The following STARD13 variants were observed in gnomAD, a reference collection of about 807,000 sequenced individuals.
STARD13 encodes StAR related lipid transfer domain containing 13, also known as stAR-related lipid transfer protein 13.
STARD13 carries 62 observed loss-of-function variants against 106.4 expected under a neutral mutation model. The ratio of observed to expected loss-of-function variants is 0.58; its 90% CI spans 0.48 to 0.72. The LOEUF (loss-of-function observed/expected upper bound fraction) is 0.72, where lower values mean the gene tolerates loss of function less well. STARD13 is among the 30% of genes least tolerant of loss of function. STARD13 has a pLI of 0.00. For missense variants in STARD13, 1,387 were observed against 1,424.0 expected (o/e 0.97, Z 0.42); for synonymous variants, 565 against 553.0 (o/e 1.02, Z -0.31).
chr13:33,286,371 A>C (rs1386087794), upstream of STARD13, among the ~76,000 whole-genome samples: 1 of 152,228 alleles, frequency 6.6e-6, no homozygotes, highest in Non-Finnish European at 1.5e-5. Context: ...AGAGAGGCAA[A>C]GTACACACGC....
At chr13:33,401,676 C>A in the STARD13 span, among the ~76,000 whole-genome samples, 1 of 152,156 alleles carries the variant, frequency 6.6e-6, no homozygotes, top group Non-Finnish European at 1.5e-5. Context: ...CTTCCCAGCT[C>A]CCTCTCCATT....
rs74045787 is a variant in STARD13, at chr13:33,274,045, T to C, written c.169+11425A>G. ...GAATAAGACAAAAACATGGAAGCAA[T>C]CAGCACCATGCTGGTAAGCAGAGGC... On this transcript the variant is annotated intron_variant, in intron 1 of 13. Transcript: ENST00000336934. 346 of 151,468 alleles carry C rather than the reference T, an allele frequency of 2.3e-3. 1 individual carries two copies. The highest frequency in any genetic ancestry group is 8.0e-3 in the African/African-American group (332 of 41,344). 9.4% of individuals were successfully genotyped at this position (151,468 alleles called of 1,614,324 possible). A position where few individuals can be genotyped will look rare whatever the true frequency, so the allele number is the denominator to read the frequency against.
chr13:33,253,678 A>G (rs1890197315), intron 1 of STARD13, among the ~76,000 whole-genome samples: 1 of 152,116 alleles, frequency 6.6e-6, no homozygotes, highest in Admixed American at 6.5e-5. Context: ...TGTCTGCTTC[A>G]TGTGGCCCCC....
the STARD13 span, among the ~76,000 whole-genome samples, chr13:33,517,245 A>G: frequency 6.6e-6 from 1 of 151,994 alleles, no homozygotes; most frequent in Non-Finnish European, 1.5e-5. Flanking sequence ...TCCCATGGGC[A>G]TTAACATCAC....
At chr13:33,653,267 T>A in the STARD13 span, among the ~76,000 whole-genome samples, 3 of 152,150 alleles carry the variant, frequency 2.0e-5, no homozygotes, top group African/African-American at 7.2e-5. Flanking sequence ...AACTTCCCTC[T>A]TCCCAAACTT....
intron 1 of STARD13, among the ~76,000 whole-genome samples, chr13:33,227,090 C>CT (rs1888664340): frequency 6.6e-6 from 1 of 152,182 alleles, no homozygotes; most frequent in Non-Finnish European, 1.5e-5. Context: ...CATTCCTAAC[C>CT]TTTAAATGGC....
At chr13:33,311,111 T>C (rs1893119001) in intron 1 of STARD13, among the ~76,000 whole-genome samples, 1 of 142,396 alleles carries the variant, frequency 7.0e-6, no homozygotes, top group East Asian at 2.0e-4. Context: ...CTGGGCAACA[T>C]AATAAGACAC....
At chr13:33,674,004 G>A in the STARD13 span, among the ~76,000 whole-genome samples, 1 of 151,904 alleles carries the variant, frequency 6.6e-6, no homozygotes, top group Non-Finnish European at 1.5e-5. Context: ...GGAATTACAG[G>A]CATGCACCAC....
intron 1 of STARD13, among the ~76,000 whole-genome samples, chr13:33,235,430 T>C (rs1889138676): frequency 6.6e-6 from 1 of 152,232 alleles, no homozygotes. Context: ...GTCCAGCCAG[T>C]GCAGACATCT....
intron 3 of STARD13, among the ~76,000 whole-genome samples, chr13:33,162,154 T>G (rs2138340482): frequency 6.6e-6 from 1 of 152,312 alleles, no homozygotes; most frequent in East Asian, 1.9e-4. Flanking sequence ...CCCCAAAGTC[T>G]TAACTCATTT....
At chr13:33,615,012 A>G in the STARD13 span, among the ~76,000 whole-genome samples, 3 of 152,242 alleles carry the variant, frequency 2.0e-5, no homozygotes, top group Non-Finnish European at 4.4e-5. Flanking sequence ...TTTAAAGGAC[A>G]AGAATAGAAG....
At chr13:33,491,006 CT>C in the STARD13 span, among the ~76,000 whole-genome samples, 1 of 152,222 alleles carries the variant, frequency 6.6e-6, no homozygotes, top group African/African-American at 2.4e-5. Context: ...AGCCATACCC[CT>C]GTCTCATATC....
At chr13:33,607,536 TC>T in the STARD13 span, among the ~76,000 whole-genome samples, 1 of 152,050 alleles carries the variant, frequency 6.6e-6, no homozygotes, top group African/African-American at 2.4e-5. Flanking sequence ...GACCTGGTGA[TC>T]CGCCTGCCTC....
At chr13:33,670,635 C>A in the STARD13 span, among the ~76,000 whole-genome samples, 1 of 152,214 alleles carries the variant, frequency 6.6e-6, no homozygotes, top group South Asian at 2.1e-4. Context: ...TTCCTTTTGG[C>A]GTTATATTCA....
chr13:33,119,100 G>A (rs955148030), intron 7 of STARD13, among the ~76,000 whole-genome samples: 2 of 152,080 alleles, frequency 1.3e-5, no homozygotes, highest in East Asian at 1.9e-4. Flanking sequence ...AGCAGAGCCC[G>A]GCAAGAATGA....
chr13:33,137,762 C>T (rs963360852), intron 4 of STARD13, among the ~76,000 whole-genome samples: 14 of 152,150 alleles, frequency 9.2e-5, no homozygotes, highest in Non-Finnish European at 1.6e-4. Context: ...ACTCAAATAC[C>T]CTACAGTTTT....
the STARD13 span, among the ~76,000 whole-genome samples, chr13:33,403,830 G>T: frequency 6.6e-6 from 1 of 151,936 alleles, no homozygotes; most frequent in Non-Finnish European, 1.5e-5. Flanking sequence ...TTCCACAATG[G>T]CAATCAAAAT....
the STARD13 span, among the ~76,000 whole-genome samples, chr13:33,586,005 G>T: frequency 6.6e-6 from 1 of 152,184 alleles, no homozygotes; most frequent in Non-Finnish European, 1.5e-5. Context: ...CTGGAAACCG[G>T]TGATGGTAGT....
At chr13:33,442,820 T>C in the STARD13 span, among the ~76,000 whole-genome samples, 1 of 152,204 alleles carries the variant, frequency 6.6e-6, no homozygotes, top group Admixed American at 6.5e-5. Flanking sequence ...ATAACACCCA[T>C]TTTCCATAAT....
Sources: gnomAD v4.1 joint callset for allele counts (sites outside exome capture counted in the v4.1 genomes callset) on GRCh38, gnomAD v4.1.1 for gene constraint, MANE v1.5 for transcripts, NCBI Gene and HGNC (gene_info 2026-07-23, HGNC 2026-07-21) for gene names.